Variants in PTPRN2 observed in about 807,000 individuals in gnomAD.
The protein encoded by PTPRN2 is protein tyrosine phosphatase receptor type N2.
In PTPRN2, 74 loss-of-function variants were observed where a neutral mutation model predicts 118.8. The observed-to-expected ratio is 0.62, with a 90% CI of 0.52 to 0.76. PTPRN2 has a LOEUF of 0.76. Ranked by LOEUF, PTPRN2 falls within the 30% of genes least tolerant of loss-of-function variation. The probability of loss-of-function intolerance (pLI) is 0.00; values close to 1 mark genes in which losing one functional copy is unlikely to be tolerated. For missense variants in PTPRN2, 1,481 were observed against 1,394.4 expected (o/e 1.06, Z -0.99); for synonymous variants, 641 against 608.0 (o/e 1.05, Z -0.80).
chr7:158,132,140 C>T (rs1180335907), intron 9 of PTPRN2, among the ~76,000 whole-genome samples: 2 of 140,628 alleles, frequency 1.4e-5, no homozygotes, highest in Admixed American at 7.2e-5. Context: ...TACACACACA[C>T]GTACATACAC....
At chr7:158,071,018 C>CGTG (rs200247462) in intron 11 of PTPRN2, among the ~76,000 whole-genome samples, 5 of 62,530 alleles carry the variant, frequency 8.0e-5, no homozygotes, top group African/African-American at 8.4e-5. Context: ...TGGAGGTGCT[C>CGTG]GTGGTGGAGG....
chr7:158,337,772 G>C (rs1486975465), intron 2 of PTPRN2, among the ~76,000 whole-genome samples: 16 of 89,608 alleles, frequency 1.8e-4, no homozygotes, highest in African/African-American at 7.3e-4. Context: ...ACCTGCAAAC[G>C]TCACTCACAC....
intron 17 of PTPRN2, among the ~76,000 whole-genome samples, chr7:157,592,500 T>G (rs1187184806): frequency 7.8e-3 from 617 of 79,456 alleles, no homozygotes; most frequent in East Asian, 0.01. Flanking sequence ...TGAACGGAGG[T>G]TGGATGTGGG....
chr7:157,601,965 C>T (rs75156154), intron 16 of PTPRN2, among the ~76,000 whole-genome samples: 9 of 152,180 alleles, frequency 5.9e-5, no homozygotes, highest in East Asian at 1.9e-4. Context: ...TTTACCAGAA[C>T]GCACGTTCTG....
At chr7:158,272,812 C>T (rs761149073) in intron 3 of PTPRN2, among the ~76,000 whole-genome samples, 19 of 152,058 alleles carry the variant, frequency 1.2e-4, no homozygotes, top group Admixed American at 3.9e-4. Context: ...GAGGTGCCGC[C>T]GGCAGAAGGA....
intron 6 of PTPRN2, among the ~76,000 whole-genome samples, chr7:158,146,847 G>A (rs901559242): frequency 6.6e-6 from 1 of 151,942 alleles, no homozygotes. Context: ...AGAGAGACTT[G>A]ACCAATGGAT....
Position 157,751,547 on chromosome 7 carries a change from G to A in PTPRN2, c.1789-68610C>T, listed in dbSNP as rs570900530. 2.5e-4 allele frequency among the ~76,000 whole-genome samples: 38 copies of A among 152,204 alleles called. No individual in the cohort carries two copies. In the East Asian group the frequency reaches 4.5e-3, roughly 18 times the overall value. On this transcript the variant is annotated intron_variant, in intron 12 of 22. Coordinates refer to ENST00000389418, the MANE Select transcript of PTPRN2 (RefSeq NM_002847.5). ...TCGCTCGGGAGGTGTCTCTGTCCTC[G>A]GCGTGGGAGGGTCTTTGAGAAGGTG... is the stretch of plus-strand genomic sequence containing the variant.
chr7:158,289,346 C>T (rs1350493877), intron 3 of PTPRN2, among the ~76,000 whole-genome samples: 1 of 152,170 alleles, frequency 6.6e-6, no homozygotes, highest in Admixed American at 6.5e-5. Context: ...CATAAGCTTT[C>T]TTCATTCCCG....
chr7:157,753,227 A>T (rs1464177931), intron 12 of PTPRN2, among the ~76,000 whole-genome samples: 2 of 152,170 alleles, frequency 1.3e-5, no homozygotes, highest in African/African-American at 4.8e-5. Context: ...GGGCAGTGCC[A>T]TGTGCCAGGC....
intron 12 of PTPRN2, among the ~76,000 whole-genome samples, chr7:157,871,272 G>A (rs762177085): frequency 9.9e-5 from 15 of 152,254 alleles, no homozygotes; most frequent in South Asian, 2.1e-4. Flanking sequence ...GCCCTGCCTC[G>A]GACCCCCTGA....
intron 2 of PTPRN2, among the ~76,000 whole-genome samples, chr7:158,403,293 T>C (rs552241228): frequency 2.6e-5 from 4 of 152,266 alleles, no homozygotes; most frequent in African/African-American, 9.6e-5. Context: ...AACGCACCCA[T>C]GCAGGCCCTG....
Position 158,034,440 on chromosome 7 carries a change from G to C in PTPRN2, c.1723+46858C>G, listed in dbSNP as rs541465716. On this transcript the variant is annotated intron_variant, in intron 11 of 22. Coordinates refer to ENST00000389418, the MANE Select transcript of PTPRN2 (RefSeq NM_002847.5). ...TTTCCCATGCTGTTCGTGTGATAGT[G>C]AATAGGTCTCACAAGATCTGGTGGT... is the stretch of plus-strand genomic sequence containing the variant. Among the ~76,000 whole-genome samples, 410 of 152,330 alleles carry C rather than the reference G, an allele frequency of 2.7e-3. 2 individuals are homozygous for C. The highest frequency in any genetic ancestry group is 9.5e-3 in the African/African-American group (394 of 41,576).
At chr7:158,394,606 C>A (rs1034284988) in intron 2 of PTPRN2, among the ~76,000 whole-genome samples, 1 of 152,232 alleles carries the variant, frequency 6.6e-6, no homozygotes, top group Non-Finnish European at 1.5e-5. Flanking sequence ...CGTCCATCCC[C>A]CCAGGCGCAG....
At chr7:158,348,269 TCGCCATTCACAGCCCCAGAGCCACCC>T (rs1807668994) in intron 2 of PTPRN2, among the ~76,000 whole-genome samples, 12 of 151,400 alleles carry the variant, frequency 7.9e-5, no homozygotes, top group African/African-American at 2.9e-4. Flanking sequence ...CACCCTGGGT[TCGCCATTCACAGCCCCAGAGCCACCC>T]TGGGTTCCCC....
chr7:157,616,666 G>A (rs1213471225), intron 15 of PTPRN2: 6 of 152,088 alleles, frequency 3.9e-5, no homozygotes, highest in African/African-American at 1.2e-4. Flanking sequence ...CTTTCTTGGC[G>A]AGGTGACATA....
intron 2 of PTPRN2, among the ~76,000 whole-genome samples, chr7:158,369,262 C>T (rs11771431): frequency 0.93 from 139,175 of 149,596 alleles, 64,983 homozygotes; most frequent in East Asian, 1. Flanking sequence ...TATATATATA[C>T]ACACATACAC....
chr7:158,247,746 A>G (rs1013686276), intron 3 of PTPRN2, among the ~76,000 whole-genome samples: 2 of 152,102 alleles, frequency 1.3e-5, no homozygotes, highest in African/African-American at 4.8e-5. Flanking sequence ...CCTCCTGAGT[A>G]GGTGGGATTA....
intron 2 of PTPRN2, among the ~76,000 whole-genome samples, chr7:158,377,344 G>A (rs1465968478): frequency 6.6e-6 from 1 of 152,380 alleles, no homozygotes; most frequent in Non-Finnish European, 1.5e-5. Context: ...TTAGGTGCGT[G>A]TGTGTTAATA....
chr7:157,567,385 G>C (rs1799540771), intron 21 of PTPRN2, among the ~76,000 whole-genome samples: 1 of 152,220 alleles, frequency 6.6e-6, no homozygotes, highest in African/African-American at 2.4e-5. Flanking sequence ...CCAGCAGCCA[G>C]CAAAGGATGC....
Sources: gnomAD v4.1 joint callset for allele counts (sites outside exome capture counted in the v4.1 genomes callset) on GRCh38, gnomAD v4.1.1 for gene constraint, MANE v1.5 for transcripts, NCBI Gene and HGNC (gene_info 2026-07-23, HGNC 2026-07-21) for gene names.